SHQ1: variants seen among roughly 807,000 people sequenced by gnomAD.
The protein encoded by SHQ1 is SHQ1, H/ACA ribonucleoprotein assembly factor.
In SHQ1, 49 loss-of-function variants were observed where a neutral mutation model predicts 53.8. The observed-to-expected ratio is 0.91, with a 90% CI of 0.72 to 1.16. The LOEUF (loss-of-function observed/expected upper bound fraction) is 1.16. SHQ1 is among the 50% of genes most tolerant of loss of function. The pLI is 0.00. For synonymous variants in SHQ1, 243 were observed against 251.0 expected (o/e 0.97, Z 0.30); for missense variants, 738 against 683.1 (o/e 1.08, Z -0.90).
intron 10 of SHQ1, among the ~76,000 whole-genome samples, chr3:72,786,088 C>G (rs532281909): frequency 1.3e-5 from 2 of 152,306 alleles, no homozygotes; most frequent in South Asian, 2.1e-4. Context: ...GGCTCCTCCC[C>G]TTCTCTCTCT....
chr3:72,764,356 T>C (rs146339747), intron 10 of SHQ1, among the ~76,000 whole-genome samples: 1 of 152,106 alleles, frequency 6.6e-6, no homozygotes, highest in Non-Finnish European at 1.5e-5. Context: ...CTACTAAGGT[T>C]TGAAGTATTC....
chr3:72,794,835 T>G (rs1041513634), intron 9 of SHQ1: 2 of 152,330 alleles, frequency 1.3e-5, no homozygotes, highest in Admixed American at 1.3e-4. Flanking sequence ...TTCACGGTCC[T>G]TTACTATAAT....
chr3:72,735,155 C>A, the SHQ1 span, among the ~76,000 whole-genome samples: 5 of 151,912 alleles, frequency 3.3e-5, no homozygotes, highest in Non-Finnish European at 5.9e-5. Context: ...TCCTTTAGAG[C>A]CTTTCATAAT....
chr3:72,745,742 TAC>T (rs1705247748), downstream of SHQ1, among the ~76,000 whole-genome samples: 1 of 152,156 alleles, frequency 6.6e-6, no homozygotes, highest in South Asian at 2.1e-4. Context: ...GCTTTGAACA[TAC>T]AGTCTCCTAG....
intron 10 of SHQ1, among the ~76,000 whole-genome samples, chr3:72,755,127 G>T (rs1226204502): frequency 2.0e-5 from 3 of 152,138 alleles, no homozygotes; most frequent in African/African-American, 7.2e-5. Flanking sequence ...GAGTCCAGGG[G>T]CCCAAACAGG....
At chr3:72,790,667 T>C (rs1305704808) in intron 10 of SHQ1, among the ~76,000 whole-genome samples, 1 of 152,154 alleles carries the variant, frequency 6.6e-6, no homozygotes, top group African/African-American at 2.4e-5. Flanking sequence ...GTTGTGCTTG[T>C]AAAATTAAGA....
chr3:72,760,211 A>G (rs1705578076), intron 10 of SHQ1, among the ~76,000 whole-genome samples: 1 of 152,212 alleles, frequency 6.6e-6, no homozygotes, highest in Non-Finnish European at 1.5e-5. Flanking sequence ...GCACTGTACA[A>G]TATCAATGAT....
At chr3:72,811,192 TGTGA>T (rs1707110480) in intron 9 of SHQ1, among the ~76,000 whole-genome samples, 1 of 152,162 alleles carries the variant, frequency 6.6e-6, no homozygotes, top group Non-Finnish European at 1.5e-5. Flanking sequence ...AGTGAGAGTG[TGTGA>T]GTGTGTGTGC....
At chr3:72,783,073 G>C (rs1179919690) in intron 10 of SHQ1, among the ~76,000 whole-genome samples, 1 of 152,130 alleles carries the variant, frequency 6.6e-6, no homozygotes, top group African/African-American at 2.4e-5. Flanking sequence ...TGCTTACTCT[G>C]TAAAAAGCCA....
chr3:72,827,065 G>A (rs1005759963), intron 5 of SHQ1, among the ~76,000 whole-genome samples: 4 of 152,144 alleles, frequency 2.6e-5, no homozygotes, highest in Admixed American at 1.3e-4. Flanking sequence ...TGACCTATAC[G>A]TAGATGACAG....
Position 72,749,391 on chromosome 3 carries a change from T to C in SHQ1, c.*893A>G. On this transcript the variant is annotated 3_prime_UTR_variant, in exon 11 of 11. Coordinates refer to ENST00000325599, the MANE Select transcript of SHQ1 (RefSeq NM_018130.3). ...TATTCAATGAAGCAGTACTCAGCAA[T>C]GAAAAACATAAAAACAAAAACTCGT... 1 of 227,060 alleles carries C rather than the reference T, an allele frequency of 4.4e-6. No individual in the cohort carries two copies. Among genetic ancestry groups the C allele is most frequent in the East Asian group, 6.3e-5 (1 of 15,872 alleles). The allele number at this position is 227,060 out of a possible 1,614,324, so 14.1% of individuals were successfully genotyped here. A position where few individuals can be genotyped will look rare whatever the true frequency, so the allele number is the denominator to read the frequency against.
the SHQ1 span, among the ~76,000 whole-genome samples, chr3:72,726,445 C>G: frequency 6.6e-6 from 1 of 152,186 alleles, no homozygotes; most frequent in East Asian, 1.9e-4. Flanking sequence ...CTCTGCCTCC[C>G]AGGCTCAAGC....
intron 4 of SHQ1, among the ~76,000 whole-genome samples, chr3:72,840,152 T>C (rs1708126461): frequency 7.0e-6 from 1 of 143,848 alleles, no homozygotes; most frequent in East Asian, 2.1e-4. Context: ...CTTGGGAGGC[T>C]GAGGCAGGAC....
At chr3:72,758,030 T>C (rs779136631) in intron 10 of SHQ1, among the ~76,000 whole-genome samples, 52 of 152,222 alleles carry the variant, frequency 3.4e-4, no homozygotes, top group Non-Finnish European at 6.9e-4. Flanking sequence ...TTCCTCTCTA[T>C]TGAAAAGAAC....
At chr3:72,795,770 C>T (rs1168872870) in intron 9 of SHQ1, among the ~76,000 whole-genome samples, 2 of 152,200 alleles carry the variant, frequency 1.3e-5, no homozygotes, top group African/African-American at 4.8e-5. Context: ...TACTCTCTCT[C>T]AAGATCCCAC....
the SHQ1 span, among the ~76,000 whole-genome samples, chr3:72,737,496 T>C: frequency 6.6e-6 from 1 of 152,136 alleles, no homozygotes; most frequent in Non-Finnish European, 1.5e-5. Flanking sequence ...ATTTTTACAA[T>C]GCAGCTGTCC....
At chr3:72,732,933 G>A in the SHQ1 span, among the ~76,000 whole-genome samples, 19 of 151,726 alleles carry the variant, frequency 1.3e-4, no homozygotes, top group Admixed American at 4.6e-4. Flanking sequence ...TGGGTTTGTC[G>A]GGGAATAATT....
the SHQ1 span, among the ~76,000 whole-genome samples, chr3:72,734,765 G>C: frequency 1.3e-5 from 2 of 151,188 alleles, no homozygotes; most frequent in Non-Finnish European, 2.9e-5. Flanking sequence ...ATTGCATTTT[G>C]AGAGCACTGA....
intron 10 of SHQ1, among the ~76,000 whole-genome samples, chr3:72,761,546 A>G (rs1051201059): frequency 6.6e-6 from 1 of 152,146 alleles, no homozygotes; most frequent in East Asian, 1.9e-4. Context: ...TAAAGACTCA[A>G]CCACCTCTTG....
Sources: allele counts gnomAD v4.1 joint callset (sites outside exome capture counted in the v4.1 genomes callset), GRCh38; gene constraint gnomAD v4.1.1; transcripts MANE v1.5; gene names NCBI Gene and HGNC (gene_info 2026-07-23, HGNC 2026-07-21).